The following PRXL2B variants were observed in gnomAD, a reference collection of about 807,000 sequenced individuals.
The protein encoded by PRXL2B is peroxiredoxin like 2B, also known as prostamide/prostaglandin F synthase.
In PRXL2B, 26 loss-of-function variants were observed where a neutral mutation model predicts 24.4. That is an observed-to-expected ratio of 1.07 (90% CI 0.78 to 1.48). The LOEUF (loss-of-function observed/expected upper bound fraction) is 1.48. PRXL2B is among the 40% of genes most tolerant of loss of function. The pLI is 0.00. For synonymous variants in PRXL2B, 115 were observed against 118.9 expected (o/e 0.97, Z 0.21); for missense variants, 269 against 264.8 (o/e 1.02, Z -0.11).
In PRXL2B at chr1:2,586,789, T is replaced by C; in HGVS notation, c.-97T>C. ...GGCATCTCGGGGCGGGGCTTGGGGC[T>C]GGATCTATGAGCCGGGAGCGGGGAT... is the stretch of plus-strand genomic sequence containing the variant. On this transcript the variant is annotated 5_prime_UTR_variant, in exon 1 of 7. Transcript: ENST00000419916. 1 of 1,253,532 alleles carries C rather than the reference T, an allele frequency of 8.0e-7. No homozygotes were observed. Among genetic ancestry groups the C allele is most frequent in the Non-Finnish European group, 1.0e-6 (1 of 1,002,400 alleles). The allele number at this position is 1,253,532 out of a possible 1,614,324, so 77.7% of individuals were successfully genotyped here.
chr1:2,587,838 AG>A lies in PRXL2B; in HGVS notation c.320+50del. 1 of 1,552,934 alleles carries A rather than the reference AG, an allele frequency of 6.4e-7. No homozygotes were observed. Among genetic ancestry groups the A allele is most frequent in the Non-Finnish European group, 8.7e-7 (1 of 1,144,972 alleles). ...TTGGGTAGCGTGGGGTGGGGGGCCC[AG>A]GGGTTCCCACCGCTCCCTGCCACCT... On this transcript the variant is annotated intron_variant, in intron 3 of 6. Coordinates refer to ENST00000419916, the MANE Select transcript of PRXL2B (RefSeq NM_152371.5). The surrounding 1 kb of genome is among the most constrained non-coding windows in gnomAD (Gnocchi z 6.1).
rs1644622295 is a variant in PRXL2B at position 2,589,397 on chromosome 1, G to A, written c.580-13G>A. The stretch of plus-strand genomic sequence containing the variant: ...GTGTCCAGCGGCCCCATGGGACCCT[G>A]CTGTCCCCACAGTGTGACAGAGAGG... On this transcript the variant is annotated splice_polypyrimidine_tract_variant and intron_variant, in intron 6 of 6. Coordinates refer to ENST00000419916, the MANE Select transcript of PRXL2B (RefSeq NM_152371.5). 1 of 1,613,354 alleles carries A rather than the reference G, an allele frequency of 6.2e-7. No individual in the cohort carries two copies. Among genetic ancestry groups the A allele is most frequent in the Non-Finnish European group, 8.5e-7 (1 of 1,179,706 alleles).
chr1:2,591,359 C>G lies in PRXL2B; in HGVS notation c.*1932C>G, dbSNP rs759847809. 3.3e-5 allele frequency: 20 copies of G among 604,664 alleles called. No individual in the cohort carries two copies. Among genetic ancestry groups the G allele is most frequent in the Non-Finnish European group, 5.3e-5 (18 of 341,128 alleles). 37.5% of individuals were successfully genotyped at this position (604,664 alleles called of 1,614,324 possible). The stretch of plus-strand genomic sequence containing the variant: ...ATTCGCAGCCTGCGGTAGGCTCCCC[C>G]TTCCTAAACCCTTAAATGCCCTTAG... On this transcript the variant is annotated 3_prime_UTR_variant, in exon 7 of 7. Coordinates refer to ENST00000419916, the MANE Select transcript of PRXL2B (RefSeq NM_152371.5).
chr1:2,587,598 C>T lies in PRXL2B; in HGVS notation c.269-143C>T, dbSNP rs1644557113. ...GGGGACACTCAGCCCCGTTTTACCC[C>T]TCCCTGCCCTGCGGGGGTGGGCTGA... is the stretch of plus-strand genomic sequence containing the variant. On this transcript the variant is annotated intron_variant, in intron 2 of 6. Transcript: ENST00000419916. This position sits in a 1 kb window ranked among gnomAD's most constrained non-coding sequence, Gnocchi z 6.1. 1 of 1,007,750 alleles carries T rather than the reference C, an allele frequency of 9.9e-7. No homozygotes were observed. Among genetic ancestry groups the T allele is most frequent in the Non-Finnish European group, 1.5e-6 (1 of 659,966 alleles). The allele number at this position is 1,007,750 out of a possible 1,614,324, so 62.4% of individuals were successfully genotyped here.
chr1:2,589,089 A>G, intron 6 of PRXL2B, 49 bp downstream of exon 6: 2 of 1,552,760 alleles, frequency 1.3e-6, no homozygotes, highest in Non-Finnish European at 1.8e-6. Flanking sequence ...CCCTGCCCCT[A>G]GGTCCCCTGG....
At chr1:2,589,312 C>T (rs1011533178) in intron 6 of PRXL2B, 98 bp from the exon 7 acceptor site, 1 of 1,538,094 alleles carries the variant, frequency 6.5e-7, no homozygotes, top group African/African-American at 1.4e-5. Flanking sequence ...GGCGTGTCCT[C>T]TCAGCCTTGG....
chr1:2,588,705 T>C (rs1220993821), intron 5 of PRXL2B, 80 bp downstream of exon 5: 1 of 1,492,674 alleles, frequency 6.7e-7, no homozygotes, highest in East Asian at 2.3e-5. Flanking sequence ...GCCCTCTCTC[T>C]GGCTTGTCAG....
Position 2,586,823 on chromosome 1 carries a change from G to A in PRXL2B, c.-63G>A, listed in dbSNP as rs1644526908. The A allele has an allele frequency of 1.6e-6, 2 of 1,271,828 alleles. No individual in the cohort carries two copies. The highest frequency in any genetic ancestry group is 1.5e-5 in the African/African-American group (1 of 64,550). The allele number at this position is 1,271,828 out of a possible 1,614,324, so 78.8% of individuals were successfully genotyped here. Reference sequence around the variant, plus strand: ...GAGCCGGGAGCGGGGATCCAGGAGCGAGGAGCCGGGAGCGGGGAACAGGGA... The same window carrying A: ...GAGCCGGGAGCGGGGATCCAGGAGCAAGGAGCCGGGAGCGGGGAACAGGGA... On this transcript the variant is annotated 5_prime_UTR_variant, in exon 1 of 7. Transcript: ENST00000419916.
chr1:2,587,643 G>A lies in PRXL2B; in HGVS notation c.269-98G>A, dbSNP rs1172527697. 1 of 1,406,550 alleles carries A rather than the reference G, an allele frequency of 7.1e-7. No homozygotes were observed. The highest frequency in any genetic ancestry group is 9.8e-7 in the Non-Finnish European group (1 of 1,016,398). 87.1% of individuals were successfully genotyped at this position (1,406,550 alleles called of 1,614,324 possible). On this transcript the variant is annotated intron_variant, in intron 2 of 6. Coordinates refer to ENST00000419916, the MANE Select transcript of PRXL2B (RefSeq NM_152371.5). This position sits in a 1 kb window ranked among gnomAD's most constrained non-coding sequence, Gnocchi z 6.1. ...GGCTGAGCACGGAGGGTGGGCAGAG[G>A]AACAGAGGGTCGGAAGGAGGAGGGC...
chr1:2,589,609 C>G lies in PRXL2B; in HGVS notation c.*182C>G. The G allele has an allele frequency of 2.5e-6, 2 of 794,904 alleles. No homozygotes were observed. The highest frequency in any genetic ancestry group is 4.0e-6 in the Non-Finnish European group (2 of 494,576). The allele number at this position is 794,904 out of a possible 1,614,324, so 49.2% of individuals were successfully genotyped here. A position where few individuals can be genotyped will look rare whatever the true frequency, so the allele number is the denominator to read the frequency against. On this transcript the variant is annotated 3_prime_UTR_variant, in exon 7 of 7. Coordinates refer to ENST00000419916, the MANE Select transcript of PRXL2B (RefSeq NM_152371.5). The stretch of plus-strand genomic sequence containing the variant: ...CTGACCACGCACTGCTTCGCAGGCT[C>G]CGAGCCCTGCATCCTCCACAGCCCC...
Position 2,589,805 on chromosome 1 carries a change from C to G in PRXL2B, c.*378C>G. The G allele has an allele frequency of 3.2e-6, 1 of 316,150 alleles. No individual in the cohort carries two copies. Among genetic ancestry groups the G allele is most frequent in the East Asian group, 6.8e-5 (1 of 14,670 alleles). 19.6% of individuals were successfully genotyped at this position (316,150 alleles called of 1,614,324 possible). A position where few individuals can be genotyped will look rare whatever the true frequency, so the allele number is the denominator to read the frequency against. ...CCTTCAAAGGCGACAGACCCAAGCC[C>G]ACGTCAGGAGAGGAGCGTGGGGTCA... On this transcript the variant is annotated 3_prime_UTR_variant, in exon 7 of 7. Transcript: ENST00000419916.
At position 2,590,927 on chromosome 1, in the gene PRXL2B, C is replaced by T. The variant is rs769450297; in HGVS notation, c.*1500C>T. 332 of 1,321,704 alleles carry T rather than the reference C, an allele frequency of 2.5e-4. 1 individual carries two copies. The highest frequency in any genetic ancestry group is 3.1e-4 in the Non-Finnish European group (311 of 1,002,454). 81.9% of individuals were successfully genotyped at this position (1,321,704 alleles called of 1,614,324 possible). ...GTACACTGGGTCGCCGCTAGCTGCA[C>T]CTTCGCACAGATGCCTCCGAGCAGC... is the stretch of plus-strand genomic sequence containing the variant. On this transcript the variant is annotated 3_prime_UTR_variant, in exon 7 of 7. Coordinates refer to ENST00000419916, the MANE Select transcript of PRXL2B (RefSeq NM_152371.5).
Position 2,591,209 on chromosome 1 carries a change from A to C in PRXL2B, c.*1782A>C. 1 of 666,482 alleles carries C rather than the reference A, an allele frequency of 1.5e-6. No homozygotes were observed. The highest frequency in any genetic ancestry group is 2.8e-5 in the East Asian group (1 of 35,236). 41.3% of individuals were successfully genotyped at this position (666,482 alleles called of 1,614,324 possible). On this transcript the variant is annotated 3_prime_UTR_variant, in exon 7 of 7. Transcript: ENST00000419916. ...CAGCCTAATGGCTCATGTCAGTATG[A>C]GCAGAAACATTTCAACCATGAGATA... is the stretch of plus-strand genomic sequence containing the variant.
At position 2,589,493 on chromosome 1, in the gene PRXL2B, C is replaced by T. The variant is rs1408195648; in HGVS notation, c.*66C>T. 1.2e-6 allele frequency: 2 copies of T among 1,611,494 alleles called. No homozygotes were observed. The highest frequency in any genetic ancestry group is 1.7e-6 in the Non-Finnish European group (2 of 1,178,276). On this transcript the variant is annotated 3_prime_UTR_variant, in exon 7 of 7. Coordinates refer to ENST00000419916, the MANE Select transcript of PRXL2B (RefSeq NM_152371.5). ...CTGCTGCCCTAGGTGTGCTGGAAGT[C>T]CACTTGGAAGAACTGTTCCGGAGGC...
chr1:2,590,897 G>T lies in PRXL2B; in HGVS notation c.*1470G>T, dbSNP rs1194253302. On this transcript the variant is annotated 3_prime_UTR_variant, in exon 7 of 7. Transcript: ENST00000419916. Reference sequence around the variant, plus strand: ...CAGGCTTGGCATGGTTGGCCGGGGCGGGACGTACACTGGGTCGCCGCTAGC... The same window carrying T: ...CAGGCTTGGCATGGTTGGCCGGGGCTGGACGTACACTGGGTCGCCGCTAGC... The T allele has an allele frequency of 9.8e-7, 1 of 1,023,058 alleles. No homozygotes were observed. Among genetic ancestry groups the T allele is most frequent in the Non-Finnish European group, 1.3e-6 (1 of 765,722 alleles). The allele number at this position is 1,023,058 out of a possible 1,614,324, so 63.4% of individuals were successfully genotyped here.
rs1207123924 is a variant in PRXL2B at position 2,586,811 on chromosome 1, G to C, written c.-75G>C. On this transcript the variant is annotated 5_prime_UTR_variant, in exon 1 of 7. Coordinates refer to ENST00000419916, the MANE Select transcript of PRXL2B (RefSeq NM_152371.5). ...GGCTGGATCTATGAGCCGGGAGCGGGGATCCAGGAGCGAGGAGCCGGGAGC... is the reference window on the plus strand; with the variant it reads ...GGCTGGATCTATGAGCCGGGAGCGGCGATCCAGGAGCGAGGAGCCGGGAGC... The C allele has an allele frequency of 1.6e-6, 2 of 1,264,306 alleles. No homozygotes were observed. The highest frequency in any genetic ancestry group is 3.1e-5 in the African/African-American group (2 of 64,468). The allele number at this position is 1,264,306 out of a possible 1,614,324, so 78.3% of individuals were successfully genotyped here.
Position 2,587,200 on chromosome 1 carries a change from C to T in PRXL2B, c.173C>T (p.Ala58Val), listed in dbSNP as rs1288055462. The change falls in exon 2 of 7, where the codon GCT (alanine) becomes GTT (valine). Residue 58 changes from alanine (A) to valine (V), a missense_variant. Transcript: ENST00000419916. The surrounding 1 kb of genome is among the most constrained non-coding windows in gnomAD (Gnocchi z 6.1). Reference sequence around the variant, plus strand: ...ATCGCCCAGGACCTCAGCAGCCTTGCTGGGCTCCTGGACCAACACGGCGTG... The same window carrying T: ...ATCGCCCAGGACCTCAGCAGCCTTGTTGGGCTCCTGGACCAACACGGCGTG... The part of the protein sequence containing the change: ...RWIAQDLSSL[A>V]GLLDQHGVRL... The T allele has an allele frequency of 1.3e-6, 2 of 1,566,872 alleles. No individual in the cohort carries two copies. The highest frequency in any genetic ancestry group is 1.7e-6 in the Non-Finnish European group (2 of 1,162,892).
Position 2,587,668 on chromosome 1 carries a change from C to T in PRXL2B, c.269-73C>T. 4.0e-6 allele frequency: 6 copies of T among 1,508,594 alleles called. No individual in the cohort carries two copies. Among genetic ancestry groups the T allele is most frequent in the Non-Finnish European group, 5.4e-6 (6 of 1,106,046 alleles). The allele number at this position is 1,508,594 out of a possible 1,614,324, so 93.5% of individuals were successfully genotyped here. On this transcript the variant is annotated intron_variant, in intron 2 of 6. Transcript: ENST00000419916. The surrounding 1 kb of genome is among the most constrained non-coding windows in gnomAD (Gnocchi z 6.1). ...GAACAGAGGGTCGGAAGGAGGAGGG[C>T]GATTCTTTGTGGTGAGTGGGTTGGG... is the stretch of plus-strand genomic sequence containing the variant.
In PRXL2B at chr1:2,587,688, G is replaced by T. The variant is rs1644560066; in HGVS notation, c.269-53G>T. The T allele has an allele frequency of 1.3e-6, 2 of 1,562,304 alleles. No individual in the cohort carries two copies. The highest frequency in any genetic ancestry group is 1.3e-5 in the African/African-American group (1 of 74,108). ...GAGGGCGATTCTTTGTGGTGAGTGG[G>T]TTGGGGGCTGGTTCTGCGCCTGGGG... On this transcript the variant is annotated intron_variant, in intron 2 of 6. Transcript: ENST00000419916. The surrounding 1 kb of genome is among the most constrained non-coding windows in gnomAD (Gnocchi z 6.1).
Sources: gnomAD v4.1 joint callset for allele counts on GRCh38, gnomAD v4.1.1 for gene constraint, Gnocchi (gnomAD v3.1) non-coding constraint, MANE v1.5 for transcripts, NCBI Gene and HGNC (gene_info 2026-07-23, HGNC 2026-07-21) for gene names.